The following GRM8 variants were observed in gnomAD, a reference collection of about 807,000 sequenced individuals.
GRM8 encodes metabotropic glutamate receptor 8.
GRM8 carries 47 observed loss-of-function variants against 87.2 expected under a neutral mutation model. That is an observed-to-expected ratio of 0.54 (90% CI 0.43 to 0.69). The LOEUF is 0.69. Ranked by LOEUF, GRM8 falls within the 30% of genes least tolerant of loss-of-function variation. GRM8 has a pLI of 0.00. For synonymous variants in GRM8, 396 were observed against 404.5 expected, an observed-to-expected ratio of 0.98 and a Z score of 0.25; for missense variants, 1,019 against 1,139.2, an observed-to-expected ratio of 0.89 and a Z score of 1.52.
chr7:127,184,768 G>C (rs1353405444), intron 2 of GRM8, among the ~76,000 whole-genome samples: 2 of 151,932 alleles, frequency 1.3e-5, no homozygotes, highest in African/African-American at 4.8e-5. Flanking sequence ...TAATGAGTGA[G>C]TATAGCAAGG....
chr7:126,879,290 C>A (rs1161798372), intron 6 of GRM8, among the ~76,000 whole-genome samples: 1 of 151,968 alleles, frequency 6.6e-6, no homozygotes, highest in African/African-American at 2.4e-5. Flanking sequence ...TAAATAGCCA[C>A]ATATTTCAAT....
intron 3 of GRM8, among the ~76,000 whole-genome samples, chr7:126,936,797 C>G (rs949002916): frequency 6.6e-6 from 1 of 152,162 alleles, no homozygotes; most frequent in Non-Finnish European, 1.5e-5. Context: ...TCGGGGCTTT[C>G]TCTAATCAAT....
At chr7:127,014,821 CAACTT>C (rs1349296937) in intron 3 of GRM8, among the ~76,000 whole-genome samples, 1 of 151,422 alleles carries the variant, frequency 6.6e-6, no homozygotes, top group African/African-American at 2.4e-5. Context: ...GTGTCAACTT[CAACTT>C]AAGTGTGGCC....
chr7:126,606,568 T>C (rs1798371025), intron 8 of GRM8, among the ~76,000 whole-genome samples: 1 of 152,178 alleles, frequency 6.6e-6, no homozygotes, highest in African/African-American at 2.4e-5. Flanking sequence ...AGGTGACTAA[T>C]CCAACTCCTA....
chr7:126,998,393 G>A (rs1813386390), intron 3 of GRM8, among the ~76,000 whole-genome samples: 1 of 151,754 alleles, frequency 6.6e-6, no homozygotes, highest in Non-Finnish European at 1.5e-5. Flanking sequence ...ATTCAACATA[G>A]TACTGAAGTC....
intron 7 of GRM8, among the ~76,000 whole-genome samples, chr7:126,689,885 T>A (rs1808616939): frequency 6.6e-6 from 1 of 152,194 alleles, no homozygotes; most frequent in South Asian, 2.1e-4. Flanking sequence ...ATTACAGTAG[T>A]TGGACTGAAT....
intron 7 of GRM8, among the ~76,000 whole-genome samples, chr7:126,628,043 T>A (rs1384488473): frequency 6.6e-6 from 1 of 152,104 alleles, no homozygotes; most frequent in Admixed American, 6.5e-5. Flanking sequence ...TCCCTCTTTT[T>A]CTTTTCTTTT....
intron 9 of GRM8, among the ~76,000 whole-genome samples, chr7:126,477,583 G>GA (rs1446224158): frequency 0.033 from 1,415 of 42,992 alleles, 27 homozygotes; most frequent in Non-Finnish European, 0.035. Context: ...AAGAAAGAGA[G>GA]AAAGAAAGAA....
chr7:127,182,074 A>G (rs947825295), intron 2 of GRM8, among the ~76,000 whole-genome samples: 10 of 152,158 alleles, frequency 6.6e-5, no homozygotes, highest in Non-Finnish European at 1.0e-4. Flanking sequence ...AAAGGGGGAG[A>G]AAATCTTCAC....
At chr7:126,515,046 T>C (rs1392378543) in intron 9 of GRM8, among the ~76,000 whole-genome samples, 4 of 152,084 alleles carry the variant, frequency 2.6e-5, no homozygotes, top group African/African-American at 9.7e-5. Context: ...ATCACACGAG[T>C]ATCTGATATA....
rs558677258 is a variant in GRM8, at chr7:126,789,567, A to C, written c.1157-19502T>G. 2.4e-4 allele frequency among the ~76,000 whole-genome samples: 37 copies of C among 152,320 alleles called. 1 individual carries two copies. The highest frequency in any genetic ancestry group is 6.8e-3 in the Middle Eastern group (2 of 294). On this transcript the variant is annotated intron_variant, in intron 6 of 10. Coordinates refer to ENST00000339582, the MANE Select transcript of GRM8 (RefSeq NM_000845.3). The stretch of plus-strand genomic sequence containing the variant: ...TTTTTTAAATGTTAAAACCCCATAG[A>C]GCATGACAAATAACACAGGTTTAAA...
At chr7:127,241,065 T>C in intron 2 of GRM8, among the ~76,000 whole-genome samples, 1 of 152,228 alleles carries the variant, frequency 6.6e-6, no homozygotes, top group East Asian at 1.9e-4. Flanking sequence ...TGTTTGTGCC[T>C]CTTCAGTACT....
chr7:127,161,430 A>G (rs1298300360), intron 2 of GRM8, among the ~76,000 whole-genome samples: 1 of 152,150 alleles, frequency 6.6e-6, no homozygotes, highest in East Asian at 1.9e-4. Context: ...CTATACTCCT[A>G]CAAATTGATT....
At chr7:126,961,200 A>C (rs1406500049) in intron 3 of GRM8, among the ~76,000 whole-genome samples, 1 of 152,208 alleles carries the variant, frequency 6.6e-6, no homozygotes, top group African/African-American at 2.4e-5. Context: ...GGGAAAAAAA[A>C]GTGAAAGATT....
chr7:126,452,714 G>A (rs1299048920), intron 9 of GRM8, among the ~76,000 whole-genome samples: 1 of 151,632 alleles, frequency 6.6e-6, no homozygotes, highest in African/African-American at 2.4e-5. Context: ...GTAATAATGG[G>A]CCATTTTGCT....
chr7:126,929,483 C>G (rs2402845), intron 3 of GRM8, among the ~76,000 whole-genome samples: 118,256 of 151,992 alleles, frequency 0.78, 46,463 homozygotes, highest in East Asian at 0.97. Context: ...ACCCAGGCTG[C>G]AGTGCAGTGG....
At chr7:126,705,369 C>A (rs1157143577) in intron 7 of GRM8, among the ~76,000 whole-genome samples, 1 of 152,152 alleles carries the variant, frequency 6.6e-6, no homozygotes, top group Non-Finnish European at 1.5e-5. Context: ...TAATCATAAT[C>A]ATCAATACCA....
chr7:126,689,635 T>C (rs1808591581), intron 7 of GRM8, among the ~76,000 whole-genome samples: 1 of 152,130 alleles, frequency 6.6e-6, no homozygotes. Context: ...GAAAGGATTT[T>C]CCAAAAGAGA....
In GRM8 at chr7:126,533,913, C is replaced by T. The variant is rs191470021; in HGVS notation, c.1495-26G>A. Reference sequence around the variant, plus strand: ...CTGTGGGTATAAAAAATTAATGAGCCTTCCATTTTTCCCCCATTTATAATA... The same window carrying T: ...CTGTGGGTATAAAAAATTAATGAGCTTTCCATTTTTCCCCCATTTATAATA... On this transcript the variant is annotated intron_variant, in intron 8 of 10. Transcript: ENST00000339582. The T allele has an allele frequency of 1.3e-4, 207 of 1,536,514 alleles. No homozygotes were observed. In the African/African-American group the frequency reaches 2.6e-3, roughly 19 times the overall value.
Sources: allele counts gnomAD v4.1 joint callset (sites outside exome capture counted in the v4.1 genomes callset), GRCh38; gene constraint gnomAD v4.1.1; transcripts MANE v1.5; gene names NCBI Gene and HGNC (gene_info 2026-07-23, HGNC 2026-07-21).